Variants in ZDHHC21 observed in about 807,000 individuals in gnomAD.
ZDHHC21 encodes palmitoyltransferase ZDHHC21.
In ZDHHC21, 15 loss-of-function variants were observed where a neutral mutation model predicts 34.6. That is an observed-to-expected ratio of 0.43 (90% CI 0.29 to 0.67). The LOEUF (loss-of-function observed/expected upper bound fraction) is 0.67, where lower values mean the gene tolerates loss of function less well. ZDHHC21 is among the 30% of genes least tolerant of loss of function. ZDHHC21 has a pLI of 0.14. For synonymous variants in ZDHHC21, 142 were observed against 101.8 expected (o/e 1.40, Z -2.38); for missense variants, 344 against 327.7 (o/e 1.05, Z -0.38).
rs141799848 is a variant in ZDHHC21, at chr9:14,614,850, T to A, written c.*4116A>T. On this transcript the variant is annotated 3_prime_UTR_variant, in exon 10 of 10. Transcript: ENST00000380916. ...GCAAACTACTCAATGTTTGTATGTG[T>A]GAATTTTATCAAATAAATTCTAGAT... 2.8e-3 allele frequency: 427 copies of A among 151,812 alleles called. 2 individuals carry two copies. The highest frequency in any genetic ancestry group is 9.9e-3 in the African/African-American group (410 of 41,534). 9.4% of individuals were successfully genotyped at this position (151,812 alleles called of 1,614,324 possible).
intron 5 of ZDHHC21, among the ~76,000 whole-genome samples, chr9:14,669,555 G>T (rs981319919): frequency 3.3e-5 from 5 of 150,784 alleles, no homozygotes; most frequent in Non-Finnish European, 7.4e-5. Context: ...ACATGCACAC[G>T]TATGTTTATT....
chr9:14,631,600 C>T (rs1045882628), intron 8 of ZDHHC21, among the ~76,000 whole-genome samples: 7 of 152,214 alleles, frequency 4.6e-5, no homozygotes, highest in Non-Finnish European at 1.0e-4. Context: ...CAGCTTTTAA[C>T]ATGCCTTTCT....
In ZDHHC21 at chr9:14,634,714, CA is replaced by C. The variant is rs1827964007; in HGVS notation, c.621+5181del. 1.1e-4 allele frequency among the ~76,000 whole-genome samples: 16 copies of C among 152,156 alleles called. No homozygotes were observed. The South Asian group carries it at 3.1e-3, about 30-fold the overall frequency. ...AGGAAAAAGTCCTCTCCCACAAAAG[CA>C]AATTCAAAAAATTGGAAAAAACATC... On this transcript the variant is annotated intron_variant, in intron 8 of 9. Coordinates refer to ENST00000380916, the MANE Select transcript of ZDHHC21 (RefSeq NM_178566.6).
chr9:14,596,484 T>C, the ZDHHC21 span, among the ~76,000 whole-genome samples: 15 of 152,318 alleles, frequency 9.8e-5, no homozygotes, highest in African/African-American at 1.7e-4. Context: ...GTGTGTGTTG[T>C]TGGCCACCTC....
At chr9:14,594,918 T>A in the ZDHHC21 span, among the ~76,000 whole-genome samples, 2 of 152,116 alleles carry the variant, frequency 1.3e-5, no homozygotes, top group Non-Finnish European at 2.9e-5. Context: ...AACATACACA[T>A]AAAAATACGT....
At chr9:14,657,036 T>A (rs1345141007) in intron 7 of ZDHHC21, among the ~76,000 whole-genome samples, 1 of 152,018 alleles carries the variant, frequency 6.6e-6, no homozygotes, top group Non-Finnish European at 1.5e-5. Flanking sequence ...ATAATCCATT[T>A]CTCCATTTTA....
intron 8 of ZDHHC21, among the ~76,000 whole-genome samples, chr9:14,629,318 T>C (rs1195700839): frequency 7.9e-5 from 12 of 152,126 alleles, no homozygotes; most frequent in Non-Finnish European, 1.6e-4. Flanking sequence ...TCTACCTTAA[T>C]AAAATGTAAC....
chr9:14,681,192 C>T (rs938563673), intron 2 of ZDHHC21, among the ~76,000 whole-genome samples: 6 of 152,154 alleles, frequency 3.9e-5, no homozygotes, highest in Admixed American at 1.3e-4. Flanking sequence ...ACCCTTACTA[C>T]ATATGACACG....
At chr9:14,676,587 G>C (rs1045635945) in intron 3 of ZDHHC21, among the ~76,000 whole-genome samples, 1 of 151,858 alleles carries the variant, frequency 6.6e-6, no homozygotes, top group African/African-American at 2.4e-5. Flanking sequence ...ACTTGTGTAT[G>C]AATTCTAAAA....
rs1823260622 is a variant in ZDHHC21, at chr9:14,611,305, C to A, written c.*7661G>T. 1 of 151,924 alleles carries A rather than the reference C, an allele frequency of 6.6e-6. No homozygotes were observed. The highest frequency in any genetic ancestry group is 1.9e-4 in the East Asian group (1 of 5,180). 9.4% of individuals were successfully genotyped at this position (151,924 alleles called of 1,614,324 possible). ...AACCAGTGTAGACTTTTCATCTAAA[C>A]AAATACATCTCAGCTACATGGTTCC... On this transcript the variant is annotated 3_prime_UTR_variant, in exon 10 of 10. Transcript: ENST00000380916.
chr9:14,671,812 T>C (rs535690165), intron 5 of ZDHHC21, among the ~76,000 whole-genome samples: 1 of 152,122 alleles, frequency 6.6e-6, no homozygotes, highest in African/African-American at 2.4e-5. Context: ...ATGTAAATTA[T>C]ACTCAATAAA....
At chr9:14,599,844 G>C in the ZDHHC21 span, among the ~76,000 whole-genome samples, 3 of 152,058 alleles carry the variant, frequency 2.0e-5, no homozygotes, top group Admixed American at 6.6e-5. Context: ...TGCAAGGCTG[G>C]TTCAATATAT....
At chr9:14,691,592 C>A (rs1007671784) in intron 1 of ZDHHC21, among the ~76,000 whole-genome samples, 1 of 152,158 alleles carries the variant, frequency 6.6e-6, no homozygotes, top group African/African-American at 2.4e-5. Context: ...TTAGATTTCT[C>A]TTATTAAACA....
intron 7 of ZDHHC21, among the ~76,000 whole-genome samples, chr9:14,655,988 G>C (rs1053154932): frequency 6.7e-6 from 1 of 149,690 alleles, no homozygotes; most frequent in Non-Finnish European, 1.5e-5. Context: ...AACTGATATA[G>C]TTAAACTAAT....
intron 8 of ZDHHC21, among the ~76,000 whole-genome samples, chr9:14,622,936 C>T (rs1016495716): frequency 1.3e-5 from 2 of 152,028 alleles, no homozygotes; most frequent in Admixed American, 6.6e-5. Context: ...CTTGTTGATG[C>T]TTCCAAGTCT....
chr9:14,657,613 C>T (rs1832481516), intron 7 of ZDHHC21, among the ~76,000 whole-genome samples: 2 of 152,030 alleles, frequency 1.3e-5, no homozygotes, highest in South Asian at 4.1e-4. Flanking sequence ...CAGCCATAGA[C>T]AATATATAAA....
intron 3 of ZDHHC21, among the ~76,000 whole-genome samples, chr9:14,679,252 C>G (rs1213636943): frequency 6.6e-6 from 1 of 151,986 alleles, no homozygotes; most frequent in Non-Finnish European, 1.5e-5. Flanking sequence ...AAATGAATCC[C>G]CCATATTAAT....
In ZDHHC21 at chr9:14,618,328, G is replaced by A. The variant is rs1470263285; in HGVS notation, c.*638C>T. On this transcript the variant is annotated 3_prime_UTR_variant, in exon 10 of 10. Transcript: ENST00000380916. ...CTTTATAGTAAGGTAGGTAGTTGGT[G>A]TTTTACTTCAGTGGTACTTTCATGT... 6.6e-6 allele frequency: 1 copy of A among 152,494 alleles called. No homozygotes were observed. Among genetic ancestry groups the A allele is most frequent in the Non-Finnish European group, 1.5e-5 (1 of 67,982 alleles). The allele number at this position is 152,494 out of a possible 1,614,324, so 9.4% of individuals were successfully genotyped here.
the ZDHHC21 span, among the ~76,000 whole-genome samples, chr9:14,592,206 G>A: frequency 6.6e-6 from 1 of 151,518 alleles, no homozygotes; most frequent in Non-Finnish European, 1.5e-5. Flanking sequence ...TATTTTACTG[G>A]CTTATTTTCT....
Sources: allele counts gnomAD v4.1 joint callset (sites outside exome capture counted in the v4.1 genomes callset), GRCh38; gene constraint gnomAD v4.1.1; transcripts MANE v1.5; gene names NCBI Gene and HGNC (gene_info 2026-07-23, HGNC 2026-07-21).